CPA6: variants seen among roughly 807,000 people sequenced by gnomAD.
The protein encoded by CPA6 is carboxypeptidase B.
A neutral mutation model predicts 63.3 loss-of-function variants in CPA6; 58 were observed. That is an observed-to-expected ratio of 0.92 (90% CI 0.74 to 1.14). CPA6 has a LOEUF of 1.14. CPA6 is among the 50% of genes most tolerant of loss of function. CPA6 has a pLI of 0.00. For synonymous variants in CPA6, 185 were observed against 179.0 expected (o/e 1.03, Z -0.27); for missense variants, 565 against 526.6 (o/e 1.07, Z -0.71).
intron 8 of CPA6, among the ~76,000 whole-genome samples, chr8:67,440,258 T>C (rs531040094): frequency 2.0e-5 from 3 of 152,228 alleles, no homozygotes; most frequent in East Asian, 3.9e-4. Flanking sequence ...ATTCCAGCCA[T>C]GTATCACTTA....
chr8:67,551,217 G>T (rs1314887644), intron 2 of CPA6, among the ~76,000 whole-genome samples: 1 of 151,094 alleles, frequency 6.6e-6, no homozygotes, highest in Non-Finnish European at 1.5e-5. Context: ...TATGGTGAAA[G>T]GTAGGGGTCC....
chr8:67,518,306 T>C (rs1812189327), intron 2 of CPA6, among the ~76,000 whole-genome samples: 2 of 152,188 alleles, frequency 1.3e-5, no homozygotes, highest in Non-Finnish European at 2.9e-5. Flanking sequence ...AAGGTAAAAA[T>C]GAGATAAAAT....
chr8:67,479,229 T>C (rs1290178296), intron 8 of CPA6, among the ~76,000 whole-genome samples: 1 of 152,222 alleles, frequency 6.6e-6, no homozygotes, highest in African/African-American at 2.4e-5. Context: ...TTAACTCATA[T>C]TGCAGGTAGA....
intron 2 of CPA6, among the ~76,000 whole-genome samples, chr8:67,525,960 T>C (rs915385659): frequency 3.3e-5 from 5 of 152,176 alleles, no homozygotes; most frequent in African/African-American, 1.2e-4. Flanking sequence ...AAAGCCCAGA[T>C]ATCACCACAA....
intron 1 of CPA6, among the ~76,000 whole-genome samples, chr8:67,711,200 G>C (rs1817253307): frequency 6.6e-6 from 1 of 152,190 alleles, no homozygotes; most frequent in South Asian, 2.1e-4. Context: ...CTCGAGGAAA[G>C]ATCCACAATC....
At chr8:67,568,174 C>T (rs1381862391) in intron 2 of CPA6, among the ~76,000 whole-genome samples, 1 of 152,092 alleles carries the variant, frequency 6.6e-6, no homozygotes, top group Admixed American at 6.5e-5. Context: ...CAAAGAACTC[C>T]TGTAAAAGCC....
chr8:67,560,386 A>C (rs1341457865), intron 2 of CPA6, among the ~76,000 whole-genome samples: 1 of 152,154 alleles, frequency 6.6e-6, no homozygotes, highest in African/African-American at 2.4e-5. Flanking sequence ...CCTTTAGTAC[A>C]CATAGGAGCA....
intron 2 of CPA6, among the ~76,000 whole-genome samples, chr8:67,545,563 CTT>C (rs35213871): frequency 0.015 from 1,233 of 80,484 alleles, 19 homozygotes; most frequent in African/African-American, 0.047. Flanking sequence ...GCTACTGTTA[CTT>C]TTTTTTTTTT....
At chr8:67,603,700 C>T (rs1024894298) in intron 2 of CPA6, among the ~76,000 whole-genome samples, 8 of 152,152 alleles carry the variant, frequency 5.3e-5, no homozygotes, top group African/African-American at 1.9e-4. Flanking sequence ...AAAAAGTACC[C>T]AGGCAAATTA....
chr8:67,572,158 T>G (rs775379257), intron 2 of CPA6, among the ~76,000 whole-genome samples: 1 of 152,168 alleles, frequency 6.6e-6, no homozygotes, highest in African/African-American at 2.4e-5. Context: ...AGACTGATAA[T>G]GGAGTGAGGA....
chr8:67,448,690 G>GA (rs1563957225), intron 8 of CPA6, among the ~76,000 whole-genome samples: 3 of 101,782 alleles, frequency 2.9e-5, no homozygotes, highest in East Asian at 2.8e-4. Flanking sequence ...GAAAGAAAAA[G>GA]AAAAAAAAGA....
At chr8:67,589,210 A>G (rs1814036594) in intron 2 of CPA6, among the ~76,000 whole-genome samples, 1 of 152,150 alleles carries the variant, frequency 6.6e-6, no homozygotes, top group Admixed American at 6.5e-5. Flanking sequence ...GTTTTATAAT[A>G]TTGGGCTATT....
chr8:67,461,330 T>G (rs543251550), intron 8 of CPA6, among the ~76,000 whole-genome samples: 77 of 146,592 alleles, frequency 5.3e-4, no homozygotes, highest in African/African-American at 1.8e-3. Context: ...TTAATCCATT[T>G]AACCCTGAGT....
intron 1 of CPA6, among the ~76,000 whole-genome samples, chr8:67,654,849 G>A (rs1259255876): frequency 1.3e-5 from 2 of 152,112 alleles, no homozygotes; most frequent in South Asian, 2.1e-4. Flanking sequence ...AAGGGCTTAC[G>A]ATGATAGGTG....
chr8:67,535,780 C>G (rs757586672), intron 2 of CPA6, among the ~76,000 whole-genome samples: 10 of 152,126 alleles, frequency 6.6e-5, no homozygotes, highest in Non-Finnish European at 1.2e-4. Context: ...AGTATTTGCC[C>G]ACGCCTATGT....
intron 6 of CPA6, among the ~76,000 whole-genome samples, chr8:67,485,253 A>G (rs754053582): frequency 1.3e-5 from 2 of 151,974 alleles, no homozygotes; most frequent in Non-Finnish European, 2.9e-5. Context: ...CTGCATTGAG[A>G]CTCTATTCTT....
chr8:67,459,484 CGT>C (rs1810752205), intron 8 of CPA6, among the ~76,000 whole-genome samples: 1 of 152,126 alleles, frequency 6.6e-6, no homozygotes, highest in African/African-American at 2.4e-5. Flanking sequence ...GAAATGTAAA[CGT>C]GTGTTACTAA....
At chr8:67,510,742 G>T (rs1389369396) in intron 4 of CPA6, among the ~76,000 whole-genome samples, 2 of 152,176 alleles carry the variant, frequency 1.3e-5, no homozygotes, top group Non-Finnish European at 2.9e-5. Flanking sequence ...CAACAACTAT[G>T]TATTTGGAGG....
At chr8:67,713,099 GTATATATATATATATATATATA>G (rs67842734) in intron 1 of CPA6, among the ~76,000 whole-genome samples, 7 of 55,032 alleles carry the variant, frequency 1.3e-4, no homozygotes, top group Non-Finnish European at 2.3e-4. Context: ...GTGTGTGTGT[GTATATATATATATATATATATA>G]TATATATATA....
Sources: gnomAD v4.1 joint callset for allele counts (sites outside exome capture counted in the v4.1 genomes callset) on GRCh38, gnomAD v4.1.1 for gene constraint, MANE v1.5 for transcripts, NCBI Gene and HGNC (gene_info 2026-07-23, HGNC 2026-07-21) for gene names.